The following SCAP variants were observed in gnomAD, a reference collection of about 807,000 sequenced individuals.
SCAP encodes SREBF chaperone.
In SCAP, 65 loss-of-function variants were observed where a neutral mutation model predicts 123.6. That is an observed-to-expected ratio of 0.53 (90% CI 0.43 to 0.65). SCAP has a LOEUF of 0.65. SCAP is among the 30% of genes least tolerant of loss of function. SCAP has a pLI of 0.00. For synonymous variants in SCAP, 740 were observed against 726.3 expected (o/e 1.02, Z -0.30); for missense variants, 1,398 against 1,712.5 (o/e 0.82, Z 3.24).
Position 47,475,841 on chromosome 3 carries a change from G to GGCGACGGGGGCGGCA in SCAP, c.-156_-142dup, listed in dbSNP as rs1322446662. 2 of 160,984 alleles carry GGCGACGGGGGCGGCA rather than the reference G, an allele frequency of 1.2e-5. No individual in the cohort carries two copies. Among genetic ancestry groups the GGCGACGGGGGCGGCA allele is most frequent in the Admixed American group, 6.5e-5 (1 of 15,330 alleles). 10.0% of individuals were successfully genotyped at this position (160,984 alleles called of 1,614,324 possible). A position where few individuals can be genotyped will look rare whatever the true frequency, so the allele number is the denominator to read the frequency against. ...CCCAAGCTGCGGCGGCGGCGGCGGCGGCGACGGGGGCGGCAGCAGGGGCGG... is the reference window on the plus strand; with the variant it reads ...CCCAAGCTGCGGCGGCGGCGGCGGCGGCGACGGGGGCGGCAGCGACGGGGGCGGCAGCAGGGGCGG... On this transcript the variant is annotated 5_prime_UTR_variant, in exon 1 of 23. Transcript: ENST00000265565.
Position 47,464,031 on chromosome 3 carries a change from T to C in SCAP, c.-99+11768A>G, listed in dbSNP as rs145522371. ...TATTTTATTTTTTAATATTTATTTATTTGAGACAGAGTCTCGCTCTGTCAC... is the reference window on the plus strand; with the variant it reads ...TATTTTATTTTTTAATATTTATTTACTTGAGACAGAGTCTCGCTCTGTCAC... On this transcript the variant is annotated intron_variant, in intron 1 of 22. Coordinates refer to ENST00000265565, the MANE Select transcript of SCAP (RefSeq NM_012235.4). Among the ~76,000 whole-genome samples, 6 of 152,174 alleles carry C rather than the reference T, an allele frequency of 3.9e-5. No individual in the cohort carries two copies. In the East Asian group the frequency reaches 1.2e-3, roughly 29 times the overall value.
chr3:47,419,350 A>T lies in SCAP; in HGVS notation c.1918T>A (p.Tyr640Asn). Residue 640 changes from tyrosine (Y) to asparagine (N), a missense_variant, in exon 13 of 23, where the codon TAC becomes AAC. Coordinates refer to ENST00000265565, the MANE Select transcript of SCAP (RefSeq NM_012235.4). The surrounding 1 kb of genome is among the most constrained non-coding windows in gnomAD (Gnocchi z 5.0). ...FRHWPTLFSYYNITLAKRYIS... is the reference protein window; with the variant it reads ...FRHWPTLFSYNNITLAKRYIS... ...CACCTCTTGGCCAGTGTGATGTTGT[A>T]ATAGCTGAAGAGCGTCGGCCAGTGG... The T allele has an allele frequency of 6.2e-7, 1 of 1,612,712 alleles. No homozygotes were observed.
chr3:47,428,030 G>A lies in SCAP; in HGVS notation c.411-363C>T, dbSNP rs115945419. Among the ~76,000 whole-genome samples, 100 of 152,186 alleles carry A rather than the reference G, an allele frequency of 6.6e-4. 1 individual carries two copies. The highest frequency in any genetic ancestry group is 1.1e-3 in the Non-Finnish European group (76 of 68,000). The stretch of plus-strand genomic sequence containing the variant: ...TTAGTTCACCAAAATATCTGTCAAC[G>A]CCACTAGCTAACTAAAACCTGGCAG... On this transcript the variant is annotated intron_variant, in intron 4 of 22. Transcript: ENST00000265565.
intron 13 of SCAP, 132 bp from the exon 14 acceptor site, chr3:47,418,975 G>A: frequency 1.9e-6 from 2 of 1,034,706 alleles, no homozygotes; most frequent in Admixed American, 3.1e-5. Flanking sequence ...CAGCATGGGG[G>A]GTTGGGGACA....
intron 2 of SCAP, among the ~76,000 whole-genome samples, chr3:47,438,568 C>T (rs1487610146): frequency 1.3e-5 from 2 of 152,004 alleles, no homozygotes; most frequent in Non-Finnish European, 2.9e-5. Flanking sequence ...AATCCCAGCA[C>T]TTTGGGAGGC....
At position 47,461,253 on chromosome 3, in the gene SCAP, C is replaced by G. The variant is rs570686632; in HGVS notation, c.-99+14546G>C. Among the ~76,000 whole-genome samples, 14 of 152,342 alleles carry G rather than the reference C, an allele frequency of 9.2e-5. No individual in the cohort carries two copies. In the South Asian group the frequency reaches 2.9e-3, roughly 32 times the overall value. On this transcript the variant is annotated intron_variant, in intron 1 of 22. Coordinates refer to ENST00000265565, the MANE Select transcript of SCAP (RefSeq NM_012235.4). ...AGCCTCACAGATAAACAAATCACAT[C>G]TACATGGTGCTCATTCCCAAATATT... is the stretch of plus-strand genomic sequence containing the variant.
rs572929703 is a variant in SCAP at position 47,417,394 on chromosome 3, G to C, written c.2880C>G (p.Leu960=). The change falls in exon 17 of 23, where the codon CTC becomes CTG. Residue 960 remains leucine (L), a synonymous_variant. Transcript: ENST00000265565. ...GGSPEKGSPS[L]AWAPSAEGSI... ...AACCCTCGGCACTGGGGGCCCAGGC[G>C]AGGGAAGGGGAGCCTTTCTCGGGGG... The C allele has an allele frequency of 1.9e-6, 3 of 1,590,060 alleles. No homozygotes were observed. In the Admixed American group the frequency reaches 5.3e-5, roughly 28 times the overall value.
At chr3:47,428,155 G>T (rs1443970594) in intron 4 of SCAP, among the ~76,000 whole-genome samples, 2 of 152,128 alleles carry the variant, frequency 1.3e-5, no homozygotes, top group Non-Finnish European at 2.9e-5. Flanking sequence ...GGCTTCAGAA[G>T]GTACCCCCAG....
At chr3:47,422,968 G>A (rs376867401) in intron 9 of SCAP, among the ~76,000 whole-genome samples, 6 of 152,296 alleles carry the variant, frequency 3.9e-5, no homozygotes, top group Admixed American at 3.9e-4. Context: ...ACCTGGCTGC[G>A]TTCTTCCTCA....
chr3:47,462,771 A>AAG (rs1576312654), intron 1 of SCAP, among the ~76,000 whole-genome samples: 2 of 143,512 alleles, frequency 1.4e-5, no homozygotes, highest in Non-Finnish European at 3.0e-5. Context: ...AAAAAAAAAA[A>AAG]AAAGAAAGAA....
intron 1 of SCAP, among the ~76,000 whole-genome samples, chr3:47,473,405 T>C (rs1708145192): frequency 6.6e-6 from 1 of 152,174 alleles, no homozygotes; most frequent in African/African-American, 2.4e-5. Context: ...CTTGTTTCTT[T>C]AGCCAACTCA....
At chr3:47,442,645 T>C (rs1706851149) in intron 2 of SCAP, among the ~76,000 whole-genome samples, 1 of 152,162 alleles carries the variant, frequency 6.6e-6, no homozygotes, top group Non-Finnish European at 1.5e-5. Context: ...AGAGTACCAG[T>C]GATATGAATA....
At chr3:47,416,364 A>G (rs533965368) in intron 18 of SCAP, among the ~76,000 whole-genome samples, 8 of 152,332 alleles carry the variant, frequency 5.3e-5, no homozygotes, top group Admixed American at 4.6e-4. Flanking sequence ...GCCAAGCACG[A>G]CAGAGGCAGG....
At chr3:47,468,407 C>T (rs559320164) in intron 1 of SCAP, among the ~76,000 whole-genome samples, 2 of 152,190 alleles carry the variant, frequency 1.3e-5, no homozygotes, top group East Asian at 1.9e-4. Flanking sequence ...TTAATGATCC[C>T]CATTCTAACT....
At chr3:47,444,885 A>T (rs1706968472) in intron 1 of SCAP, among the ~76,000 whole-genome samples, 1 of 150,466 alleles carries the variant, frequency 6.6e-6, no homozygotes, top group Admixed American at 6.6e-5. Context: ...TATTCTCCTG[A>T]CTCAGCCTCC....
intron 21 of SCAP, 24 bp downstream of exon 21, chr3:47,414,548 C>A: frequency 6.2e-7 from 1 of 1,612,968 alleles, no homozygotes. Flanking sequence ...TCTGTACCCC[C>A]TACCCCACCT....
chr3:47,425,647 C>G (rs752179416), intron 7 of SCAP, 36 bp from the exon 8 acceptor site: 2 of 1,607,374 alleles, frequency 1.2e-6, no homozygotes, highest in South Asian at 2.2e-5. Flanking sequence ...GGCGGCCCCT[C>G]CCCCAGCCCC....
chr3:47,420,484 G>T lies in SCAP; in HGVS notation c.1563+70C>A. 7.2e-7 allele frequency: 1 copy of T among 1,379,858 alleles called. No individual in the cohort carries two copies. The highest frequency in any genetic ancestry group is 9.8e-7 in the Non-Finnish European group (1 of 1,019,662). The allele number at this position is 1,379,858 out of a possible 1,614,324, so 85.5% of individuals were successfully genotyped here. ...ACCCTTTGCCACTCTAAGGCCAAGT[G>T]CAGCACCACAAGGGGCCTGGAGCAC... On this transcript the variant is annotated intron_variant, in intron 12 of 22. Coordinates refer to ENST00000265565, the MANE Select transcript of SCAP (RefSeq NM_012235.4). This position sits in a 1 kb window ranked among gnomAD's most constrained non-coding sequence, Gnocchi z 5.0.
Position 47,419,556 on chromosome 3 carries a change from C to G in SCAP, c.1712G>C (p.Ser571Thr). The G allele has an allele frequency of 6.2e-7, 1 of 1,612,960 alleles. No individual in the cohort carries two copies. Among genetic ancestry groups the G allele is most frequent in the Non-Finnish European group, 8.5e-7 (1 of 1,179,282 alleles). ...GATGGAGAAGGCAGGGTCCGGGTGG[C>G]TGGGGGGCAGCATGCCACTAGGCAC... is the stretch of plus-strand genomic sequence containing the variant. ...MPVPSGMLPP[S>T]HPDPAFSIFP... The change falls in exon 13 of 23, where the codon AGC becomes ACC. Residue 571 changes from serine to threonine, a missense_variant. Physicochemically the swap from Ser to Thr is moderately conservative, Grantham distance 58. Around this residue, in one of 7 missense-constraint regions of SCAP, gnomAD observed 828 missense variants for 882.5 expected, o/e 0.94. Coordinates refer to ENST00000265565, the MANE Select transcript of SCAP (RefSeq NM_012235.4). The surrounding 1 kb of genome is among the most constrained non-coding windows in gnomAD (Gnocchi z 5.0).
Sources: gnomAD v4.1 joint callset for allele counts (sites outside exome capture counted in the v4.1 genomes callset) on GRCh38, gnomAD v4.1.1 for gene constraint, gnomAD v4.1.1 regional missense constraint, Gnocchi (gnomAD v3.1) non-coding constraint, MANE v1.5 for transcripts, NCBI Gene and HGNC (gene_info 2026-07-23, HGNC 2026-07-21) for gene names.